The following FGD5 variants were observed in gnomAD, a reference collection of about 807,000 sequenced individuals.
The protein encoded by FGD5 is FYVE, RhoGEF and PH domain-containing protein 5.
FGD5 carries 28 observed loss-of-function variants against 133.4 expected under a neutral mutation model. The ratio of observed to expected loss-of-function variants is 0.21; its 90% confidence interval spans 0.16 to 0.29. The LOEUF (loss-of-function observed/expected upper bound fraction) is 0.29, where lower values mean the gene tolerates loss of function less well. FGD5 is among the 10% of genes least tolerant of loss of function. FGD5 has a pLI of 1.00. For missense variants in FGD5, 1,858 were observed against 1,895.2 expected, an observed-to-expected ratio of 0.98 and a Z score of 0.36; for synonymous variants, 810 against 776.5, an observed-to-expected ratio of 1.04 and a Z score of -0.72.
Position 14,924,066 on chromosome 3 carries a change from T to C in FGD5, c.3996T>C (p.Phe1332=), listed in dbSNP as rs1432157362. 1 of 1,614,026 alleles carries C rather than the reference T, an allele frequency of 6.2e-7. No homozygotes were observed. ...LSSPRFSGSA[F]SSVFQSINPS... is the part of the protein sequence containing the mutation. The stretch of plus-strand genomic sequence containing the variant: ...CACCCCGCTTCTCGGGCAGTGCCTT[T>C]TCATCCGTCTTCCAGAGCATTAACC... The change falls in exon 17 of 20, where the codon TTT becomes TTC. Residue 1332 remains phenylalanine (F), a synonymous_variant. Coordinates refer to ENST00000285046, the MANE Select transcript of FGD5 (RefSeq NM_152536.4).
At chr3:14,872,525 C>T (rs2037632574) in intron 2 of FGD5, among the ~76,000 whole-genome samples, 2 of 152,166 alleles carry the variant, frequency 1.3e-5, no homozygotes, top group Admixed American at 1.3e-4. Flanking sequence ...GGAATTTATG[C>T]TTGCAGGGGT....
intron 1 of FGD5, among the ~76,000 whole-genome samples, chr3:14,812,315 G>T (rs1239164260): frequency 2.6e-5 from 4 of 152,160 alleles, no homozygotes; most frequent in Non-Finnish European, 4.4e-5. Context: ...TGGAAAGGGG[G>T]TTGCCTCCTG....
chr3:14,831,613 A>T (rs2036709057), intron 1 of FGD5, among the ~76,000 whole-genome samples: 2 of 152,160 alleles, frequency 1.3e-5, no homozygotes, highest in Admixed American at 1.3e-4. Context: ...CAGCCACACC[A>T]GAGGGAGGGT....
intron 1 of FGD5, among the ~76,000 whole-genome samples, chr3:14,849,181 C>T (rs1050726252): frequency 2.0e-5 from 3 of 152,222 alleles, no homozygotes; most frequent in African/African-American, 4.8e-5. Context: ...TGGATTCCCT[C>T]TGCGTCCCCC....
intron 1 of FGD5, among the ~76,000 whole-genome samples, chr3:14,852,169 A>T (rs1478660927): frequency 6.6e-6 from 1 of 152,250 alleles, no homozygotes. Flanking sequence ...AGCATTATAC[A>T]TGATAGCCAA....
chr3:14,931,174 G>A (rs1423236743), intron 18 of FGD5: 1 of 152,058 alleles, frequency 6.6e-6, no homozygotes, highest in East Asian at 1.9e-4. Context: ...TTAGCTGTAG[G>A]TATTTTATAG....
intron 10 of FGD5, among the ~76,000 whole-genome samples, chr3:14,910,028 T>G (rs1218313121): frequency 6.6e-6 from 1 of 152,010 alleles, no homozygotes; most frequent in Non-Finnish European, 1.5e-5. Flanking sequence ...CCTCCCAAAG[T>G]GCTGGGATTA....
At chr3:14,904,908 C>T (rs1024414555) in intron 9 of FGD5, among the ~76,000 whole-genome samples, 1 of 152,178 alleles carries the variant, frequency 6.6e-6, no homozygotes, top group Admixed American at 6.5e-5. Flanking sequence ...CTTGCCTCAG[C>T]CTTCCAAACT....
At chr3:14,898,848 TGG>T in intron 7 of FGD5, 22 bp downstream of exon 7, 7 of 1,562,464 alleles carry the variant, frequency 4.5e-6, no homozygotes, top group Non-Finnish European at 6.1e-6. Flanking sequence ...AGGAGATCAA[TGG>T]GGACTGAGGC....
At chr3:14,865,255 C>T (rs1391830211) in intron 2 of FGD5, among the ~76,000 whole-genome samples, 1 of 152,222 alleles carries the variant, frequency 6.6e-6, no homozygotes, top group Non-Finnish European at 1.5e-5. Context: ...CATCATCCCT[C>T]CCCTTCCAAG....
At chr3:14,873,345 G>T (rs2037647603) in intron 2 of FGD5, among the ~76,000 whole-genome samples, 1 of 152,234 alleles carries the variant, frequency 6.6e-6, no homozygotes, top group Non-Finnish European at 1.5e-5. Context: ...GGTCTATGTT[G>T]TAAGAGTCAG....
intron 2 of FGD5, among the ~76,000 whole-genome samples, chr3:14,878,768 C>G (rs1380921276): frequency 6.6e-6 from 1 of 151,142 alleles, no homozygotes. Flanking sequence ...CACTGTCGCC[C>G]AGGCTGGAGT....
intron 2 of FGD5, among the ~76,000 whole-genome samples, chr3:14,879,512 A>C (rs1410749783): frequency 6.6e-6 from 1 of 152,214 alleles, no homozygotes; most frequent in Non-Finnish European, 1.5e-5. Context: ...GCTGGGGCTC[A>C]CCATCTGAGG....
chr3:14,882,584 G>T (rs2037846669), intron 4 of FGD5, among the ~76,000 whole-genome samples: 2 of 151,928 alleles, frequency 1.3e-5, no homozygotes, highest in South Asian at 2.1e-4. Context: ...TGTAATCCCA[G>T]CTACTCAGGA....
intron 1 of FGD5, among the ~76,000 whole-genome samples, chr3:14,835,896 T>C (rs1014866885): frequency 6.6e-6 from 1 of 152,094 alleles, no homozygotes; most frequent in Non-Finnish European, 1.5e-5. Flanking sequence ...GTAATTGTTA[T>C]TTTGATTGTA....
upstream of FGD5, among the ~76,000 whole-genome samples, chr3:14,816,642 C>A (rs1305002014): frequency 6.6e-6 from 1 of 152,206 alleles, no homozygotes; most frequent in Admixed American, 6.5e-5. Flanking sequence ...CCTACTCTAA[C>A]AGGTAGCTGA....
intron 18 of FGD5, chr3:14,931,380 G>A (rs2038896475): frequency 6.6e-6 from 1 of 152,138 alleles, no homozygotes; most frequent in African/African-American, 2.4e-5. Flanking sequence ...TTAGGGATGA[G>A]GTCTCACTAT....
At chr3:14,827,290 T>C (rs889437236) in intron 1 of FGD5, among the ~76,000 whole-genome samples, 22 of 146,596 alleles carry the variant, frequency 1.5e-4, no homozygotes, top group East Asian at 2.0e-4. Context: ...TCTTTTTTTT[T>C]TTTTTTTTTT....
At chr3:14,905,673 G>T (rs1419244442) in intron 9 of FGD5, among the ~76,000 whole-genome samples, 1 of 151,980 alleles carries the variant, frequency 6.6e-6, no homozygotes, top group African/African-American at 2.4e-5. Context: ...CTGCTTGCGG[G>T]TGGTGTTCAC....
Sources: gnomAD v4.1 joint callset for allele counts (sites outside exome capture counted in the v4.1 genomes callset) on GRCh38, gnomAD v4.1.1 for gene constraint, MANE v1.5 for transcripts, NCBI Gene and HGNC (gene_info 2026-07-23, HGNC 2026-07-21) for gene names.